The following LDLRAD3 variants were observed in gnomAD, a reference collection of about 807,000 sequenced individuals.
LDLRAD3 encodes low density lipoprotein receptor class A domain containing 3, also known as low-density lipoprotein receptor class A domain-containing protein 3.
Under a neutral mutation model 29.4 loss-of-function variants are expected in LDLRAD3, and 20 were observed. That is an observed-to-expected ratio of 0.68 (90% CI 0.48 to 0.99). LDLRAD3 has a LOEUF of 0.99. Among genes scored for constraint, LDLRAD3 ranks in the 50% least tolerant of loss-of-function variants. The pLI is 0.00. For missense variants in LDLRAD3, 420 were observed against 454.3 expected (o/e 0.92, Z 0.69); for synonymous variants, 157 against 192.7 (o/e 0.81, Z 1.53).
intron 2 of LDLRAD3, among the ~76,000 whole-genome samples, chr11:36,057,787 A>G (rs1049249938): frequency 6.6e-6 from 1 of 152,142 alleles, no homozygotes; most frequent in Non-Finnish European, 1.5e-5. Context: ...TGATCCTCAG[A>G]TATTTTTATT....
chr11:36,048,403 G>A (rs1319323503), intron 2 of LDLRAD3, among the ~76,000 whole-genome samples: 1 of 152,148 alleles, frequency 6.6e-6, no homozygotes, highest in Non-Finnish European at 1.5e-5. Flanking sequence ...CTGCCCAGGA[G>A]GTGAGAAGAA....
intron 4 of LDLRAD3, chr11:36,183,944 T>C: frequency 3.3e-6 from 1 of 305,282 alleles, no homozygotes; most frequent in Non-Finnish European, 6.4e-6. Flanking sequence ...ATTTGGTTCT[T>C]TTTCCAAATA....
At chr11:36,143,763 G>A (rs980204738) in intron 4 of LDLRAD3, among the ~76,000 whole-genome samples, 10 of 152,240 alleles carry the variant, frequency 6.6e-5, no homozygotes, top group African/African-American at 2.2e-4. Flanking sequence ...TTGGCTTGTA[G>A]ATGGCATCTC....
intron 4 of LDLRAD3, among the ~76,000 whole-genome samples, chr11:36,126,583 C>T (rs546388570): frequency 3.9e-5 from 6 of 152,112 alleles, no homozygotes; most frequent in Non-Finnish European, 5.9e-5. Context: ...TTTGGGGCAG[C>T]GGAGTCTGGA....
chr11:36,082,894 C>T (rs1447944885), intron 3 of LDLRAD3, among the ~76,000 whole-genome samples: 1 of 152,222 alleles, frequency 6.6e-6, no homozygotes, highest in Admixed American at 6.5e-5. Context: ...ACTGGTCACT[C>T]TGGTCACTGT....
At chr11:36,222,303 C>T (rs1250150541) in intron 4 of LDLRAD3, among the ~76,000 whole-genome samples, 2 of 152,054 alleles carry the variant, frequency 1.3e-5, no homozygotes, top group East Asian at 1.9e-4. Flanking sequence ...AGGCTGGTCT[C>T]GAGCTCCTGG....
chr11:36,166,561 TATTG>T, intron 4 of LDLRAD3, among the ~76,000 whole-genome samples: 1 of 152,356 alleles, frequency 6.6e-6, no homozygotes, highest in Non-Finnish European at 1.5e-5. Context: ...GTAAGGTGTA[TATTG>T]ATTAATAAGA....
At position 36,011,289 on chromosome 11, in the gene LDLRAD3, G is replaced by C. The variant is rs534878911; in HGVS notation, c.47-24814G>C. Reference sequence around the variant, plus strand: ...TTCCCTGCAACCTTGAGTATAGTAGGTGTCTAATGCTTTCTTTTTGGGTAA... The same window carrying C: ...TTCCCTGCAACCTTGAGTATAGTAGCTGTCTAATGCTTTCTTTTTGGGTAA... On this transcript the variant is annotated intron_variant, in intron 1 of 5. Transcript: ENST00000315571. 2.0e-5 allele frequency among the ~76,000 whole-genome samples: 3 copies of C among 152,304 alleles called. No individual in the cohort carries two copies. In the South Asian group the frequency reaches 6.2e-4, roughly 32 times the overall value.
chr11:36,077,883 T>C (rs1853041618), intron 2 of LDLRAD3, among the ~76,000 whole-genome samples: 1 of 152,188 alleles, frequency 6.6e-6, no homozygotes, highest in Non-Finnish European at 1.5e-5. Context: ...TCTTTTAGCC[T>C]TGCCATTCAG....
intron 4 of LDLRAD3, among the ~76,000 whole-genome samples, chr11:36,153,752 T>C (rs1854308189): frequency 6.6e-6 from 1 of 152,198 alleles, no homozygotes; most frequent in Admixed American, 6.5e-5. Flanking sequence ...GCTATGTGCA[T>C]ATTTATTTGC....
chr11:36,191,255 G>C (rs571068645), intron 4 of LDLRAD3, among the ~76,000 whole-genome samples: 1 of 152,106 alleles, frequency 6.6e-6, no homozygotes, highest in Non-Finnish European at 1.5e-5. Flanking sequence ...GATAGGCCAA[G>C]TAGTATGGTG....
At chr11:36,091,377 G>A (rs1255548772) in intron 3 of LDLRAD3, among the ~76,000 whole-genome samples, 2 of 152,162 alleles carry the variant, frequency 1.3e-5, no homozygotes, top group African/African-American at 4.8e-5. Context: ...AAGCAGGTCA[G>A]TTGCTTTTGG....
intron 4 of LDLRAD3, among the ~76,000 whole-genome samples, chr11:36,118,512 TGAGA>T (rs61505915): frequency 2.7e-5 from 4 of 148,500 alleles, no homozygotes; most frequent in African/African-American, 4.9e-5. Flanking sequence ...TGTGTGTGTG[TGAGA>T]GAGAGAGAGA....
At chr11:35,991,334 C>T (rs1851686517) in intron 1 of LDLRAD3, among the ~76,000 whole-genome samples, 1 of 152,188 alleles carries the variant, frequency 6.6e-6, no homozygotes, top group Admixed American at 6.5e-5. Flanking sequence ...GTTATTATTG[C>T]TTCTTTTACC....
chr11:36,205,983 A>G (rs571459468), intron 4 of LDLRAD3, among the ~76,000 whole-genome samples: 1 of 152,322 alleles, frequency 6.6e-6, no homozygotes. Flanking sequence ...CTCTGGGTGG[A>G]AGTATCACCA....
intron 4 of LDLRAD3, among the ~76,000 whole-genome samples, chr11:36,159,602 T>TAAAAAAAAAAAA (rs66512652): frequency 2.6e-4 from 15 of 58,424 alleles, no homozygotes; most frequent in Non-Finnish European, 3.2e-4. Flanking sequence ...TTACAGAAAC[T>TAAAAAAAAAAAA]AAAAAAAAAA....
intron 1 of LDLRAD3, among the ~76,000 whole-genome samples, chr11:36,012,338 A>C (rs1249126139): frequency 6.6e-6 from 1 of 152,158 alleles, no homozygotes; most frequent in Non-Finnish European, 1.5e-5. Context: ...CTTCTTCACA[A>C]TTTCACAGAT....
chr11:35,968,719 T>G (rs1851373071), intron 1 of LDLRAD3: 1 of 161,562 alleles, frequency 6.2e-6, no homozygotes, highest in Non-Finnish European at 1.4e-5. Context: ...TGCCTCAGTT[T>G]TTTGTTAATA....
intron 4 of LDLRAD3, among the ~76,000 whole-genome samples, chr11:36,199,585 A>ACACACACGCACG (rs771281624): frequency 6.5e-4 from 98 of 150,462 alleles, no homozygotes; most frequent in South Asian, 1.2e-3. Flanking sequence ...ACACACACAC[A>ACACACACGCACG]CACGCACGCA....
Sources: allele counts gnomAD v4.1 joint callset (sites outside exome capture counted in the v4.1 genomes callset), GRCh38; gene constraint gnomAD v4.1.1; transcripts MANE v1.5; gene names NCBI Gene and HGNC (gene_info 2026-07-23, HGNC 2026-07-21).